The following RANBP17 variants were observed in gnomAD, a reference collection of about 807,000 sequenced individuals.
RANBP17 encodes ran-binding protein 17.
In RANBP17, 158 loss-of-function variants were observed where a neutral mutation model predicts 141.2. The ratio of observed to expected loss-of-function variants is 1.12; its 90% CI spans 0.98 to 1.28. The LOEUF (loss-of-function observed/expected upper bound fraction) is 1.28, where lower values mean the gene tolerates loss of function less well. Among genes scored for constraint, RANBP17 ranks in the 50% most tolerant of loss-of-function variants. RANBP17 has a pLI of 0.00. For synonymous variants in RANBP17, 430 were observed against 450.0 expected (o/e 0.96, Z 0.56); for missense variants, 1,438 against 1,290.7 (o/e 1.11, Z -1.75).
At chr5:171,247,102 C>G (rs1354049662) in intron 24 of RANBP17, among the ~76,000 whole-genome samples, 1 of 152,096 alleles carries the variant, frequency 6.6e-6, no homozygotes, top group Non-Finnish European at 1.5e-5. Context: ...AGAGGTGAAA[C>G]AATTTGCCTA....
At chr5:171,064,743 A>G (rs539968478) in intron 14 of RANBP17, among the ~76,000 whole-genome samples, 4 of 151,828 alleles carry the variant, frequency 2.6e-5, no homozygotes, top group East Asian at 1.9e-4. Context: ...CTGGTGTCGA[A>G]CTCTTGAGCT....
chr5:170,968,164 C>A, intron 13 of RANBP17, 78 bp from the exon 14 acceptor site: 2 of 1,018,074 alleles, frequency 2.0e-6, no homozygotes, highest in African/African-American at 1.6e-5. Flanking sequence ...TGTTATATTA[C>A]ATTTATGGTA....
chr5:170,903,843 C>T (rs1770859237), intron 5 of RANBP17: 6 of 451,048 alleles, frequency 1.3e-5, no homozygotes, highest in Non-Finnish European at 2.2e-5. Context: ...TTTGCTCAAC[C>T]TAACAAGCTC....
chr5:170,909,825 A>G (rs759901731), intron 6 of RANBP17, 60 bp downstream of exon 6: 2 of 932,448 alleles, frequency 2.1e-6, no homozygotes, highest in African/African-American at 1.7e-5. Context: ...TAAGAGTTTC[A>G]AAAGAATTTC....
At chr5:171,137,972 C>T (rs202247178) in intron 14 of RANBP17, among the ~76,000 whole-genome samples, 4 of 112,820 alleles carry the variant, frequency 3.5e-5, no homozygotes, top group African/African-American at 5.9e-5. Flanking sequence ...TATATATATA[C>T]ACACACACTG....
At chr5:171,083,904 G>C (rs1365939422) in intron 14 of RANBP17, among the ~76,000 whole-genome samples, 9 of 151,694 alleles carry the variant, frequency 5.9e-5, no homozygotes, top group Non-Finnish European at 1.3e-4. Context: ...CAGCCACTTG[G>C]AACTGTAAGT....
rs373159749 is a variant in RANBP17, at chr5:170,968,863, T to C, written c.1710+486T>C. On this transcript the variant is annotated intron_variant, in intron 14 of 27. Coordinates refer to ENST00000523189, the MANE Select transcript of RANBP17 (RefSeq NM_022897.5). ...GTTAGGAATACTCATAGTATGATAA[T>C]TGAATGTTTAGCATCAGTAAGTTAA... 1.2e-3 allele frequency: 390 copies of C among 327,984 alleles called. 2 individuals carry two copies. The highest frequency in any genetic ancestry group is 0.01 in the South Asian group (381 of 37,750). 20.3% of individuals were successfully genotyped at this position (327,984 alleles called of 1,614,324 possible).
chr5:171,242,632 T>C (rs1764954406), intron 23 of RANBP17, 50 bp from the exon 24 acceptor site: 7 of 1,587,670 alleles, frequency 4.4e-6, no homozygotes, highest in Non-Finnish European at 6.0e-6. Flanking sequence ...GACTGTAACA[T>C]GTATTTTTCT....
At chr5:170,895,053 C>T (rs574382941) in intron 4 of RANBP17, among the ~76,000 whole-genome samples, 1 of 152,270 alleles carries the variant, frequency 6.6e-6, no homozygotes, top group African/African-American at 2.4e-5. Context: ...GAACATTAAC[C>T]TGGTGTACAC....
At chr5:171,192,250 G>A (rs973667097) in intron 18 of RANBP17, among the ~76,000 whole-genome samples, 3 of 152,144 alleles carry the variant, frequency 2.0e-5, no homozygotes, top group African/African-American at 4.8e-5. Flanking sequence ...TGGGCAGTAA[G>A]GGGTAAAGAA....
intron 14 of RANBP17, among the ~76,000 whole-genome samples, chr5:171,151,667 T>A (rs1019771126): frequency 7.9e-5 from 12 of 152,188 alleles, no homozygotes; most frequent in Non-Finnish European, 1.8e-4. Context: ...GAGACAGTTA[T>A]GAACTAGGTG....
At chr5:171,023,237 C>G (rs1781002224) in intron 14 of RANBP17, among the ~76,000 whole-genome samples, 1 of 152,216 alleles carries the variant, frequency 6.6e-6, no homozygotes, top group Non-Finnish European at 1.5e-5. Context: ...GCCCTGCCCC[C>G]AATATGCATC....
intron 13 of RANBP17, among the ~76,000 whole-genome samples, chr5:170,955,358 A>G (rs1002778990): frequency 6.7e-6 from 1 of 149,458 alleles, no homozygotes; most frequent in Non-Finnish European, 1.5e-5. Context: ...TAGCTTTGCC[A>G]TTTTTTCTTT....
At position 171,083,989 on chromosome 5, in the gene RANBP17, T is replaced by C. The variant is rs1250659937; in HGVS notation, c.1711-86141T>C. On this transcript the variant is annotated intron_variant, in intron 14 of 27. Coordinates refer to ENST00000523189, the MANE Select transcript of RANBP17 (RefSeq NM_022897.5). Reference sequence around the variant, plus strand: ...TTTTTTTTTAATTATACTTTAAGTTTTAGGGTACATGTGCACATTGTGCAG... The same window carrying C: ...TTTTTTTTTAATTATACTTTAAGTTCTAGGGTACATGTGCACATTGTGCAG... Among the ~76,000 whole-genome samples, 8 of 151,660 alleles carry C rather than the reference T, an allele frequency of 5.3e-5. No individual in the cohort carries two copies. In the East Asian group the frequency reaches 1.6e-3, roughly 30 times the overall value.
At chr5:170,998,239 A>G (rs1778963715) in intron 14 of RANBP17, among the ~76,000 whole-genome samples, 1 of 152,116 alleles carries the variant, frequency 6.6e-6, no homozygotes, top group African/African-American at 2.4e-5. Flanking sequence ...TCATTGGAAT[A>G]TTTTATTGTT....
chr5:170,894,473 T>C (rs1769927408), intron 4 of RANBP17, among the ~76,000 whole-genome samples: 2 of 138,796 alleles, frequency 1.4e-5, no homozygotes, highest in Non-Finnish European at 3.0e-5. Context: ...ATAGAATAGT[T>C]AGTACGTGTT....
intron 14 of RANBP17, among the ~76,000 whole-genome samples, chr5:171,148,912 A>G (rs1481423926): frequency 6.6e-6 from 1 of 152,246 alleles, no homozygotes; most frequent in Non-Finnish European, 1.5e-5. Flanking sequence ...AGTGCTTAGC[A>G]TAGTGCTTGC....
intron 14 of RANBP17, among the ~76,000 whole-genome samples, chr5:171,031,072 G>C (rs1305558869): frequency 6.6e-6 from 1 of 151,866 alleles, no homozygotes; most frequent in Non-Finnish European, 1.5e-5. Context: ...TTCAATATAT[G>C]AATGAACTAA....
In RANBP17 at chr5:170,862,056, G is replaced by C; in HGVS notation, c.18+5G>C. The C allele has an allele frequency of 3.4e-6, 5 of 1,461,424 alleles. No homozygotes were observed. The highest frequency in any genetic ancestry group is 3.6e-6 in the Non-Finnish European group (4 of 1,113,700). 90.5% of individuals were successfully genotyped at this position (1,461,424 alleles called of 1,614,324 possible). A position where few individuals can be genotyped will look rare whatever the true frequency, so the allele number is the denominator to read the frequency against. ...AAGATGGCGCTGCACTTCCAGGTCA[G>C]TGTGCTCTGCGCCGCGGGCCCGCGC... On this transcript the variant is annotated splice_donor_5th_base_variant and intron_variant, in intron 1 of 27. Transcript: ENST00000523189.
Sources: gnomAD v4.1 joint callset for allele counts (sites outside exome capture counted in the v4.1 genomes callset) on GRCh38, gnomAD v4.1.1 for gene constraint, MANE v1.5 for transcripts, NCBI Gene and HGNC (gene_info 2026-07-23, HGNC 2026-07-21) for gene names.